RYR1: variants seen among roughly 807,000 people sequenced by gnomAD.
RYR1 encodes the protein central core disease of muscle.
A neutral mutation model predicts 583.5 loss-of-function variants in RYR1; 342 were observed. The observed-to-expected ratio is 0.59, with a 90% CI of 0.54 to 0.64. The LOEUF (loss-of-function observed/expected upper bound fraction) is 0.64, where lower values mean the gene tolerates loss of function less well. Among genes scored for constraint, RYR1 ranks in the 30% least tolerant of loss-of-function variants. RYR1 has a pLI of 0.00. For missense variants in RYR1, 6,032 were observed against 6,917.2 expected (o/e 0.87, Z 4.54); for synonymous variants, 2,791 against 2,822.5 (o/e 0.99, Z 0.35).
intron 72 of RYR1, chr19:38,527,424 C>G: frequency 1.7e-6 from 1 of 593,974 alleles, no homozygotes; most frequent in Non-Finnish European, 2.9e-6. Flanking sequence ...GCAGGAGAAT[C>G]GCTTGAGCCC....
chr19:38,550,075 A>C (rs1023743741), intron 89 of RYR1, among the ~76,000 whole-genome samples: 1 of 151,834 alleles, frequency 6.6e-6, no homozygotes, highest in Admixed American at 6.6e-5. Flanking sequence ...TTACTTTGAA[A>C]CACTTCAGCG....
intron 1 of RYR1, among the ~76,000 whole-genome samples, chr19:38,439,081 C>T (rs1972555279): frequency 6.6e-6 from 1 of 152,144 alleles, no homozygotes; most frequent in Admixed American, 6.5e-5. Flanking sequence ...CAGCACCTGG[C>T]CCATGGCAGA....
chr19:38,486,525 G>A (rs1969306881), intron 34 of RYR1, among the ~76,000 whole-genome samples: 1 of 152,098 alleles, frequency 6.6e-6, no homozygotes, highest in Non-Finnish European at 1.5e-5. Context: ...TGTATTTTCA[G>A]TAGAGACTGC....
At chr19:38,480,663 T>A (rs1273199383) in intron 31 of RYR1, among the ~76,000 whole-genome samples, 2 of 152,284 alleles carry the variant, frequency 1.3e-5, no homozygotes, top group African/African-American at 4.8e-5. Context: ...TTTCTCTGGT[T>A]GTCCCCAAAA....
At chr19:38,510,844 TGGA>T in intron 60 of RYR1, 63 bp downstream of exon 60, 1 of 1,608,806 alleles carries the variant, frequency 6.2e-7, no homozygotes, top group Non-Finnish European at 8.5e-7. Flanking sequence ...CCTTTGCCCA[TGGA>T]GGCTCTGTCC....
chr19:38,543,732 G>T lies in RYR1; in HGVS notation c.11908-39G>T. ...CATCGTGATCCCTGATCCCTTCTCG[G>T]GGATTCCCTTCCCCCCCACACGGCA... On this transcript the variant is annotated intron_variant, in intron 86 of 105. Coordinates refer to ENST00000359596, the MANE Select transcript of RYR1 (RefSeq NM_000540.3). The surrounding 1 kb of genome is among the most constrained non-coding windows in gnomAD (Gnocchi z 4.4). 1 of 1,611,402 alleles carries T rather than the reference G, an allele frequency of 6.2e-7. No homozygotes were observed. The highest frequency in any genetic ancestry group is 1.1e-5 in the South Asian group (1 of 91,080).
At chr19:38,580,600 C>T (rs1204123319) in intron 101 of RYR1, 96 bp downstream of exon 101, 1 of 1,506,310 alleles carries the variant, frequency 6.6e-7, no homozygotes, top group Non-Finnish European at 9.2e-7. Flanking sequence ...TGCCTCCAGC[C>T]TGCAATCCCA....
Position 38,499,625 on chromosome 19 carries a change from G to A in RYR1, c.7028-10G>A, listed in dbSNP as rs1005260620. On this transcript the variant is annotated splice_polypyrimidine_tract_variant and intron_variant, in intron 43 of 105. Coordinates refer to ENST00000359596, the MANE Select transcript of RYR1 (RefSeq NM_000540.3). This position sits in a 1 kb window ranked among gnomAD's most constrained non-coding sequence, Gnocchi z 7.3. The stretch of plus-strand genomic sequence containing the variant: ...CTCATGAGACCCCCTTTCCCCATGC[G>A]GGTGGCCAGGCGAGAGCGTGGAGGA... 5.6e-6 allele frequency: 9 copies of A among 1,597,186 alleles called. No homozygotes were observed. Among genetic ancestry groups the A allele is most frequent in the Admixed American group, 5.0e-5 (3 of 59,986 alleles).
intron 87 of RYR1, among the ~76,000 whole-genome samples, chr19:38,546,136 CTCTG>C (rs1972412869): frequency 6.6e-6 from 1 of 152,094 alleles, no homozygotes; most frequent in South Asian, 2.1e-4. Context: ...CAGTGTTTGT[CTCTG>C]TCTGTCTCTG....
At position 38,567,782 on chromosome 19, in the gene RYR1, T is replaced by TGGGGAGA. The variant is rs928989953; in HGVS notation, c.13525_13531dup (p.Lys4511ArgfsTer74). On this transcript the variant is annotated frameshift_variant, in exon 93 of 106. Coordinates refer to ENST00000359596, the MANE Select transcript of RYR1 (RefSeq NM_000540.3). LOFTEE classifies it high-confidence loss of function. ...CTGTCCTGCCCTGCAGTGCCGAGAA[T>TGGGGAGA]GGGGAGAAGGAAGAAGTTCCCGAGC... 22 of 1,613,988 alleles carry TGGGGAGA rather than the reference T, an allele frequency of 1.4e-5. No individual in the cohort carries two copies. The highest frequency in any genetic ancestry group is 1.6e-5 in the Non-Finnish European group (19 of 1,180,022).
intron 12 of RYR1, 60 bp downstream of exon 12, chr19:38,451,945 C>T: frequency 6.2e-7 from 1 of 1,611,612 alleles, no homozygotes; most frequent in African/African-American, 1.3e-5. Context: ...TCCGGGCATC[C>T]ATACACTTGG....
At position 38,536,733 on chromosome 19, in the gene RYR1, C is replaced by A; in HGVS notation, c.11591-17C>A. The A allele has an allele frequency of 6.2e-7, 1 of 1,613,914 alleles. No individual in the cohort carries two copies. The highest frequency in any genetic ancestry group is 8.5e-7 in the Non-Finnish European group (1 of 1,179,930). ...CTTTTCTCCTGCTTCCTCCTCCCAT[C>A]CTGTTGGCTGCCCCAGTCATCAATC... On this transcript the variant is annotated splice_polypyrimidine_tract_variant and intron_variant, in intron 82 of 105. Coordinates refer to ENST00000359596, the MANE Select transcript of RYR1 (RefSeq NM_000540.3).
rs143242075 is a variant in RYR1 at position 38,466,364 on chromosome 19, C to T, written c.3144C>T (p.Tyr1048=). 33 of 1,571,560 alleles carry T rather than the reference C, an allele frequency of 2.1e-5. No individual in the cohort carries two copies. The highest frequency in any genetic ancestry group is 1.5e-4 in the African/African-American group (11 of 73,784). ...LCQAVRTLLG[Y]GYNIEPPDQE... is the part of the protein sequence containing the mutation. ...AGGCCGTGCGCACCCTCCTGGGCTA[C>T]GGCTACAACATCGAGCCTCCTGACC... Residue 1048 remains tyrosine (Y), a synonymous_variant, in exon 24 of 106, where the codon TAC becomes TAT. Coordinates refer to ENST00000359596, the MANE Select transcript of RYR1 (RefSeq NM_000540.3).
intron 89 of RYR1, among the ~76,000 whole-genome samples, chr19:38,549,590 A>G (rs1353618794): frequency 1.3e-5 from 2 of 151,862 alleles, no homozygotes; most frequent in Non-Finnish European, 2.9e-5. Flanking sequence ...CTTCAGGTTT[A>G]TAGAGACGTT....
intron 83 of RYR1, chr19:38,537,246 T>A (rs1324911129): frequency 1.3e-5 from 3 of 231,632 alleles, no homozygotes; most frequent in Non-Finnish European, 2.6e-5. Context: ...CCTCTGCGCC[T>A]GCCTCCTCTG....
chr19:38,485,059 C>T (rs1969212952), intron 33 of RYR1, among the ~76,000 whole-genome samples: 1 of 151,840 alleles, frequency 6.6e-6, no homozygotes, highest in Non-Finnish European at 1.5e-5. Flanking sequence ...AAAGCAGAAA[C>T]AAAACAGGCA....
intron 27 of RYR1, among the ~76,000 whole-genome samples, chr19:38,472,342 C>T (rs1276744302): frequency 6.6e-6 from 1 of 152,088 alleles, no homozygotes; most frequent in Non-Finnish European, 1.5e-5. Flanking sequence ...CTCAGGTGAT[C>T]AGCCCGCCTC....
At position 38,543,997 on chromosome 19, in the gene RYR1, C is replaced by A; in HGVS notation, c.12012+122C>A. ...GCTCCCGGCATGTTCCAGACTGGTT[C>A]CCTCTCAGTGGCCAAATCCATCCTC... On this transcript the variant is annotated intron_variant, in intron 87 of 105. Coordinates refer to ENST00000359596, the MANE Select transcript of RYR1 (RefSeq NM_000540.3). This position sits in a 1 kb window ranked among gnomAD's most constrained non-coding sequence, Gnocchi z 4.4. 1.0e-6 allele frequency: 1 copy of A among 974,034 alleles called. No individual in the cohort carries two copies. Among genetic ancestry groups the A allele is most frequent in the Non-Finnish European group, 1.6e-6 (1 of 633,726 alleles). The allele number at this position is 974,034 out of a possible 1,614,324, so 60.3% of individuals were successfully genotyped here.
Position 38,459,089 on chromosome 19 carries a change from T to G in RYR1, c.2168-57T>G, listed in dbSNP as rs4802474. The G allele has an allele frequency of 0.63, 902,115 of 1,422,274 alleles. 289,928 individuals carry two copies. The highest frequency in any genetic ancestry group is 0.69 in the Admixed American group (40,915 of 59,532). 88.1% of individuals were successfully genotyped at this position (1,422,274 alleles called of 1,614,324 possible). On this transcript the variant is annotated intron_variant, in intron 18 of 105. Transcript: ENST00000359596. Reference sequence around the variant, plus strand: ...TCCAATATCTGTCCCTTTTCTCTTGTTATCATTGGTTCTGTGGGACCTGTG... The same window carrying G: ...TCCAATATCTGTCCCTTTTCTCTTGGTATCATTGGTTCTGTGGGACCTGTG...
Sources: allele counts gnomAD v4.1 joint callset (sites outside exome capture counted in the v4.1 genomes callset), GRCh38; gene constraint gnomAD v4.1.1; non-coding constraint Gnocchi (gnomAD v3.1); transcripts MANE v1.5; gene names NCBI Gene and HGNC (gene_info 2026-07-23, HGNC 2026-07-21).